CHST9: variants seen among roughly 807,000 people sequenced by gnomAD.
CHST9 encodes GalNAc-4-sulfotransferase 2.
CHST9 carries 41 observed loss-of-function variants against 44.4 expected under a neutral mutation model. The ratio of observed to expected loss-of-function variants is 0.92; its 90% confidence interval spans 0.72 to 1.20. The LOEUF (loss-of-function observed/expected upper bound fraction) is 1.20. Among genes scored for constraint, CHST9 ranks in the 50% most tolerant of loss-of-function variants. The pLI is 0.00. For synonymous variants in CHST9, 171 were observed against 178.4 expected (o/e 0.96, Z 0.33); for missense variants, 504 against 516.5 (o/e 0.98, Z 0.23).
intron 4 of CHST9, among the ~76,000 whole-genome samples, chr18:26,994,894 T>A (rs1172018022): frequency 6.6e-6 from 1 of 151,822 alleles, no homozygotes; most frequent in Non-Finnish European, 1.5e-5. Context: ...TGGCCTGGAT[T>A]TATTGATTCT....
intron 4 of CHST9, among the ~76,000 whole-genome samples, chr18:26,976,072 C>G (rs2056620702): frequency 1.3e-5 from 2 of 151,764 alleles, no homozygotes. Context: ...GGGGCTCCAA[C>G]AATGTACTCC....
chr18:27,062,938 C>T (rs565224313), intron 2 of CHST9, among the ~76,000 whole-genome samples: 1 of 152,216 alleles, frequency 6.6e-6, no homozygotes, highest in African/African-American at 2.4e-5. Flanking sequence ...CTTTTTACTG[C>T]CGGGAGCCAA....
chr18:27,070,427 G>T (rs962821671), intron 2 of CHST9, among the ~76,000 whole-genome samples: 1 of 152,134 alleles, frequency 6.6e-6, no homozygotes, highest in African/African-American at 2.4e-5. Flanking sequence ...GCATAATTTT[G>T]ATCATCTTTC....
intron 2 of CHST9, among the ~76,000 whole-genome samples, chr18:27,055,349 G>A (rs1489693411): frequency 6.6e-6 from 1 of 152,094 alleles, no homozygotes; most frequent in East Asian, 1.9e-4. Context: ...AATATTTTTG[G>A]ATAATGAGAA....
At chr18:27,146,631 C>T (rs1325078091) in intron 1 of CHST9, among the ~76,000 whole-genome samples, 1 of 152,154 alleles carries the variant, frequency 6.6e-6, no homozygotes, top group Middle Eastern at 3.2e-3. Context: ...TTTTGTACAA[C>T]TCCTTCTTCT....
rs1231882233 is a variant in CHST9 at position 27,172,451 on chromosome 18, TA to T, written c.-97+12684del. 6.6e-5 allele frequency among the ~76,000 whole-genome samples: 10 copies of T among 152,126 alleles called. No individual in the cohort carries two copies. In the East Asian group the frequency reaches 9.6e-4, roughly 15 times the overall value. ...GAGTAGCATGGGAGTGGGAGGGGGA[TA>T]GGGGTATAAGAGCAAAGCTGTTATA... On this transcript the variant is annotated intron_variant, in intron 1 of 5. Transcript: ENST00000618847.
chr18:27,165,756 G>T (rs898551228), intron 1 of CHST9, among the ~76,000 whole-genome samples: 2 of 152,126 alleles, frequency 1.3e-5, no homozygotes, highest in Non-Finnish European at 2.9e-5. Context: ...TACAAAAGGG[G>T]TTGATTAAAT....
intron 4 of CHST9, among the ~76,000 whole-genome samples, chr18:26,976,784 G>A (rs1350923643): frequency 6.6e-6 from 1 of 152,018 alleles, no homozygotes; most frequent in African/African-American, 2.4e-5. Flanking sequence ...GGGGACAGGG[G>A]GCTGCTTTGC....
rs2055490538 is a variant in CHST9, at chr18:26,914,835, T to C, written c.*1424A>G. The C allele has an allele frequency of 2.5e-6, 1 of 397,094 alleles. No individual in the cohort carries two copies. Among genetic ancestry groups the C allele is most frequent in the African/African-American group, 2.1e-5 (1 of 48,562 alleles). 24.6% of individuals were successfully genotyped at this position (397,094 alleles called of 1,614,324 possible). On this transcript the variant is annotated 3_prime_UTR_variant, in exon 6 of 6. Transcript: ENST00000618847. ...TGAATATTTACTGATAAGAAAAAAA[T>C]GATAGCTTAGGAAGAGGAAGATGTT...
At chr18:26,955,229 T>G (rs1435623177) in intron 4 of CHST9, among the ~76,000 whole-genome samples, 1 of 152,032 alleles carries the variant, frequency 6.6e-6, no homozygotes, top group Non-Finnish European at 1.5e-5. Context: ...ATTCTGTTTT[T>G]TTTTTTTTTT....
intron 2 of CHST9, among the ~76,000 whole-genome samples, chr18:27,053,512 T>C (rs2057613792): frequency 6.6e-6 from 1 of 152,072 alleles, no homozygotes; most frequent in South Asian, 2.1e-4. Flanking sequence ...AGACATATCT[T>C]CTCCTTTCTC....
intron 3 of CHST9, among the ~76,000 whole-genome samples, chr18:27,035,559 T>C (rs7243296): frequency 1 from 152,002 of 152,004 alleles, 76,000 homozygotes; most frequent in Middle Eastern, 1. Flanking sequence ...TATATATGTG[T>C]ACATATAATA....
At chr18:26,937,651 C>T (rs1470981874) in intron 5 of CHST9, among the ~76,000 whole-genome samples, 1 of 152,152 alleles carries the variant, frequency 6.6e-6, no homozygotes, top group Non-Finnish European at 1.5e-5. Flanking sequence ...GGCATGACCA[C>T]TTATGCATGC....
At chr18:27,031,705 A>G (rs1220772628) in intron 3 of CHST9, among the ~76,000 whole-genome samples, 1 of 152,250 alleles carries the variant, frequency 6.6e-6, no homozygotes, top group Admixed American at 6.5e-5. Flanking sequence ...TGTAACTCAG[A>G]ATTCTCTACA....
intron 4 of CHST9, among the ~76,000 whole-genome samples, chr18:27,010,832 T>A (rs1386701441): frequency 6.6e-6 from 1 of 152,214 alleles, no homozygotes; most frequent in Non-Finnish European, 1.5e-5. Context: ...GGACACCAGC[T>A]GCAGAAGCTA....
intron 2 of CHST9, among the ~76,000 whole-genome samples, chr18:27,117,510 T>G (rs1364194588): frequency 6.6e-6 from 1 of 152,140 alleles, no homozygotes; most frequent in East Asian, 1.9e-4. Context: ...ACATAGTAGT[T>G]TCAGTGCCCT....
At chr18:27,144,376 T>G (rs1284934076) in intron 1 of CHST9, among the ~76,000 whole-genome samples, 1 of 152,184 alleles carries the variant, frequency 6.6e-6, no homozygotes, top group Non-Finnish European at 1.5e-5. Context: ...ATTTAGGTAT[T>G]CTTGGCAAAA....
At chr18:27,053,130 G>GGAA (rs200427246) in intron 2 of CHST9, among the ~76,000 whole-genome samples, 6,150 of 70,946 alleles carry the variant, frequency 0.087, 386 homozygotes, top group South Asian at 0.11. Context: ...AGGAAGAAGA[G>GGAA]GAAGAAGAAG....
chr18:26,966,744 T>G (rs1039478162), intron 4 of CHST9, among the ~76,000 whole-genome samples: 2 of 152,178 alleles, frequency 1.3e-5, no homozygotes, highest in Non-Finnish European at 1.5e-5. Context: ...AGATCCCAAG[T>G]TGTTATCAAC....
Sources: gnomAD v4.1 joint callset for allele counts (sites outside exome capture counted in the v4.1 genomes callset) on GRCh38, gnomAD v4.1.1 for gene constraint, MANE v1.5 for transcripts, NCBI Gene and HGNC (gene_info 2026-07-23, HGNC 2026-07-21) for gene names.